PCDHGA3: variants seen among roughly 807,000 people sequenced by gnomAD.
PCDHGA3 encodes the protein protocadherin gamma subfamily A, 3.
In PCDHGA3, 40 loss-of-function variants were observed where a neutral mutation model predicts 58.5. The ratio of observed to expected loss-of-function variants is 0.68; its 90% CI spans 0.53 to 0.89. The LOEUF is 0.89. Ranked by LOEUF, PCDHGA3 falls within the 40% of genes least tolerant of loss-of-function variation. The pLI is 0.00. For missense variants in PCDHGA3, 1,223 were observed against 1,195.9 expected (o/e 1.02, Z -0.33); for synonymous variants, 530 against 525.7 (o/e 1.01, Z -0.11).
intron 1 of PCDHGA3, among the ~76,000 whole-genome samples, chr5:141,437,450 G>A (rs2097885331): frequency 6.6e-6 from 1 of 152,148 alleles, no homozygotes; most frequent in Non-Finnish European, 1.5e-5. Context: ...GAATGTTGAG[G>A]AGACTATACT....
chr5:141,407,732 A>G (rs1294403186), intron 1 of PCDHGA3, among the ~76,000 whole-genome samples: 3 of 152,242 alleles, frequency 2.0e-5, no homozygotes, highest in Non-Finnish European at 4.4e-5. Flanking sequence ...AAGGTTCACT[A>G]TATATACTCC....
At chr5:141,366,918 A>G in intron 1 of PCDHGA3, 1 of 1,091,754 alleles carries the variant, frequency 9.2e-7, no homozygotes, top group Non-Finnish European at 1.3e-6. Context: ...TTTGTTTTCA[A>G]ATTCTGTTTT....
At chr5:141,356,992 T>C (rs1339051627) in intron 1 of PCDHGA3, 2 of 1,614,090 alleles carry the variant, frequency 1.2e-6, no homozygotes, top group Non-Finnish European at 1.7e-6. Context: ...GGACAGAGAC[T>C]CAGGTCAGAA....
chr5:141,414,060 G>C (rs769101242), intron 1 of PCDHGA3: 1 of 1,609,304 alleles, frequency 6.2e-7, no homozygotes, highest in South Asian at 1.1e-5. Flanking sequence ...AATTGTTGAA[G>C]TTCCAACTAA....
rs182282975 is a variant in PCDHGA3 at position 141,420,903 on chromosome 5, A to G, written c.2425-73904A>G. The G allele has an allele frequency of 1.7e-5, 5 of 296,804 alleles. No individual in the cohort carries two copies. In the Admixed American group the frequency reaches 1.8e-4, roughly 11 times the overall value. The allele number at this position is 296,804 out of a possible 1,614,324, so 18.4% of individuals were successfully genotyped here. On this transcript the variant is annotated intron_variant, in intron 1 of 3. Transcript: ENST00000253812. ...TGTATCATCGTTTTTAAGCTCTACA[A>G]ATACGTGTGATTCACAAAGGTGAGC...
In PCDHGA3 at chr5:141,491,803, C is replaced by T. The variant is rs2099730932; in HGVS notation, c.2425-3004C>T. ...CTTGCATCCACTCCTCTCCGGCCGG[C>T]TTGGTCGCTGGCTGCGCTCCACCCG... On this transcript the variant is annotated intron_variant, in intron 1 of 3. Transcript: ENST00000253812. This position sits in a 1 kb window ranked among gnomAD's most constrained non-coding sequence, Gnocchi z 6.9. 1 of 1,497,820 alleles carries T rather than the reference C, an allele frequency of 6.7e-7. No individual in the cohort carries two copies. Among genetic ancestry groups the T allele is most frequent in the Non-Finnish European group, 8.9e-7 (1 of 1,124,124 alleles). 92.8% of individuals were successfully genotyped at this position (1,497,820 alleles called of 1,614,324 possible).
At position 141,491,023 on chromosome 5, in the gene PCDHGA3, G is replaced by A. The variant is rs773185039; in HGVS notation, c.2425-3784G>A. 17 of 1,613,990 alleles carry A rather than the reference G, an allele frequency of 1.1e-5. No individual in the cohort carries two copies. Among genetic ancestry groups the A allele is most frequent in the Admixed American group, 5.0e-5 (3 of 60,008 alleles). ...CTCCTTGGTCACCAAGGTGACAGCC[G>A]TGGATGCTGATGCAGGCCACAATGC... On this transcript the variant is annotated intron_variant, in intron 1 of 3. Coordinates refer to ENST00000253812, the MANE Select transcript of PCDHGA3 (RefSeq NM_018916.4). The surrounding 1 kb of genome is among the most constrained non-coding windows in gnomAD (Gnocchi z 6.9).
intron 1 of PCDHGA3, chr5:141,366,804 T>TTC: frequency 9.6e-6 from 15 of 1,561,826 alleles, no homozygotes; most frequent in Non-Finnish European, 1.3e-5. Flanking sequence ...TTGTTTCCTT[T>TTC]TTCATGTTTC....
chr5:141,489,151 A>G lies in PCDHGA3; in HGVS notation c.2425-5656A>G. On this transcript the variant is annotated intron_variant, in intron 1 of 3. Transcript: ENST00000253812. This position sits in a 1 kb window ranked among gnomAD's most constrained non-coding sequence, Gnocchi z 4.5. ...TTTTTAAGAGGCTGGAAGGAGACAT[A>G]AGAGACTTCAGCTGCTGCATTCCAA... is the stretch of plus-strand genomic sequence containing the variant. The G allele has an allele frequency of 4.3e-6, 4 of 932,968 alleles. No individual in the cohort carries two copies. Among genetic ancestry groups the G allele is most frequent in the Non-Finnish European group, 6.4e-6 (4 of 622,052 alleles). 57.8% of individuals were successfully genotyped at this position (932,968 alleles called of 1,614,324 possible).
At chr5:141,455,860 A>ATTATTTAT (rs145569377) in intron 1 of PCDHGA3, among the ~76,000 whole-genome samples, 155 of 139,844 alleles carry the variant, frequency 1.1e-3, no homozygotes, top group Non-Finnish European at 1.5e-3. Flanking sequence ...AATTTCTTTT[A>ATTATTTAT]TTATTTATTT....
intron 1 of PCDHGA3, chr5:141,421,696 A>G: frequency 6.2e-7 from 1 of 1,613,886 alleles, no homozygotes; most frequent in Non-Finnish European, 8.5e-7. Context: ...TGCTCTTCCT[A>G]ATGCTAGGGA....
chr5:141,409,195 T>G lies in PCDHGA3; in HGVS notation c.2424+62738T>G, dbSNP rs750681435. 3.7e-6 allele frequency: 6 copies of G among 1,613,890 alleles called. No homozygotes were observed. The African/African-American group carries it at 8.0e-5, about 22-fold the overall frequency. On this transcript the variant is annotated intron_variant, in intron 1 of 3. Transcript: ENST00000253812. Reference sequence around the variant, plus strand: ...ACGGAGGTGGTCTCTCTACCCAGTGTAAAGTAATCATAGAAATCCTTGATG... The same window carrying G: ...ACGGAGGTGGTCTCTCTACCCAGTGGAAAGTAATCATAGAAATCCTTGATG...
intron 1 of PCDHGA3, chr5:141,412,090 T>C (rs1008718786): frequency 3.3e-5 from 5 of 152,218 alleles, no homozygotes; most frequent in Admixed American, 2.0e-4. Flanking sequence ...ACTGGGTTGA[T>C]GGGCACACAC....
chr5:141,481,181 G>C (rs1364223040), intron 1 of PCDHGA3, among the ~76,000 whole-genome samples: 1 of 152,154 alleles, frequency 6.6e-6, no homozygotes, highest in Non-Finnish European at 1.5e-5. Context: ...CAGCTTTATT[G>C]GGCCAGGCCC....
intron 1 of PCDHGA3, chr5:141,377,896 G>A (rs1774450136): frequency 6.6e-6 from 1 of 152,142 alleles, no homozygotes; most frequent in African/African-American, 2.4e-5. Context: ...ATCCCCCTCT[G>A]TTGCCCAGTC....
rs745612756 is a variant in PCDHGA3 at position 141,487,150 on chromosome 5, T to C, written c.2425-7657T>C. The C allele has an allele frequency of 1.1e-5, 17 of 1,613,960 alleles. No individual in the cohort carries two copies. In the South Asian group the frequency reaches 1.6e-4, roughly 16 times the overall value. On this transcript the variant is annotated intron_variant, in intron 1 of 3. Transcript: ENST00000253812. This position sits in a 1 kb window ranked among gnomAD's most constrained non-coding sequence, Gnocchi z 5.0. The stretch of plus-strand genomic sequence containing the variant: ...GTAGTCCACCACTCTCTACCTCTGT[T>C]ACTCTCTTAGTGTCCTTAGAGGAAG...
intron 1 of PCDHGA3, chr5:141,393,417 A>C: frequency 6.2e-7 from 1 of 1,614,032 alleles, no homozygotes; most frequent in Non-Finnish European, 8.5e-7. Context: ...CGCCCTGGAC[A>C]GGGAGGAAGA....
intron 1 of PCDHGA3, among the ~76,000 whole-genome samples, chr5:141,458,215 T>C (rs2098940075): frequency 1.3e-5 from 2 of 152,174 alleles, no homozygotes; most frequent in African/African-American, 2.4e-5. Context: ...TTAAAATAAG[T>C]TTCCTTTCCC....
chr5:141,491,612 G>C lies in PCDHGA3; in HGVS notation c.2425-3195G>C, dbSNP rs759955730. 1 of 1,613,906 alleles carries C rather than the reference G, an allele frequency of 6.2e-7. No individual in the cohort carries two copies. Among genetic ancestry groups the C allele is most frequent in the South Asian group, 1.1e-5 (1 of 91,080 alleles). ...GACGGCAGTGACTTCACTTTTCTAA[G>C]ACCCCTCAGCGTTCAGCAGCCCACA... On this transcript the variant is annotated intron_variant, in intron 1 of 3. Transcript: ENST00000253812. The surrounding 1 kb of genome is among the most constrained non-coding windows in gnomAD (Gnocchi z 6.9).
Sources: gnomAD v4.1 joint callset for allele counts (sites outside exome capture counted in the v4.1 genomes callset) on GRCh38, gnomAD v4.1.1 for gene constraint, Gnocchi (gnomAD v3.1) non-coding constraint, MANE v1.5 for transcripts, NCBI Gene and HGNC (gene_info 2026-07-23, HGNC 2026-07-21) for gene names.